Variants in KCNH5 observed in about 807,000 individuals in gnomAD.
The protein encoded by KCNH5 is voltage-gated delayed rectifier potassium channel KCNH5.
Under a neutral mutation model 96.1 loss-of-function variants are expected in KCNH5, and 46 were observed. That is an observed-to-expected ratio of 0.48 (90% CI 0.38 to 0.61). KCNH5 has a LOEUF of 0.61. KCNH5 is among the 20% of genes least tolerant of loss of function. The pLI is 0.00. For synonymous variants in KCNH5, 439 were observed against 449.8 expected (o/e 0.98, Z 0.30); for missense variants, 907 against 1,225.8 (o/e 0.74, Z 3.88).
intron 7 of KCNH5, among the ~76,000 whole-genome samples, chr14:62,859,510 TCA>T (rs1411830408): frequency 6.6e-6 from 1 of 152,192 alleles, no homozygotes; most frequent in Non-Finnish European, 1.5e-5. Flanking sequence ...ACAAATATCT[TCA>T]CAGTTTTTGA....
At chr14:62,986,449 G>A (rs181174016) in intron 5 of KCNH5, among the ~76,000 whole-genome samples, 12 of 152,056 alleles carry the variant, frequency 7.9e-5, no homozygotes, top group Non-Finnish European at 1.2e-4. Flanking sequence ...CATACTCAAC[G>A]TCACCATACT....
intron 8 of KCNH5, among the ~76,000 whole-genome samples, chr14:62,817,683 TCTA>T: frequency 6.7e-6 from 1 of 148,350 alleles, no homozygotes; most frequent in African/African-American, 2.5e-5. Context: ...CATGGAAAAT[TCTA>T]GGAATATATT....
chr14:62,796,585 C>T (rs1461277231), intron 9 of KCNH5, among the ~76,000 whole-genome samples: 2 of 152,090 alleles, frequency 1.3e-5, no homozygotes, highest in Non-Finnish European at 2.9e-5. Context: ...GATTTATGAG[C>T]AGGTAAGTCT....
intron 8 of KCNH5, among the ~76,000 whole-genome samples, chr14:62,817,259 A>C (rs1242422300): frequency 7.2e-6 from 1 of 138,346 alleles, no homozygotes; most frequent in Non-Finnish European, 1.5e-5. Context: ...TCATATATAT[A>C]TAATATATAT....
At chr14:62,837,119 C>T (rs561914804) in intron 8 of KCNH5, among the ~76,000 whole-genome samples, 83 of 152,280 alleles carry the variant, frequency 5.5e-4, no homozygotes, top group Middle Eastern at 3.4e-3. Flanking sequence ...TGTGTGTTCC[C>T]TTACCCTCTG....
In KCNH5 at chr14:62,720,877, T is replaced by G. The variant is rs7156368; in HGVS notation, c.2020-12422A>C. On this transcript the variant is annotated intron_variant, in intron 10 of 10. Transcript: ENST00000322893. ...CCACACCATTACAGATGCGCGTGCA[T>G]GCACACACACACACTGTATACCTAT... Among the ~76,000 whole-genome samples the G allele has an allele frequency of 1.8e-3, 278 of 152,154 alleles. 1 individual carries two copies. Among genetic ancestry groups the G allele is most frequent in the African/African-American group, 6.2e-3 (258 of 41,498 alleles).
chr14:62,973,844 TA>T (rs1250347503), intron 6 of KCNH5, among the ~76,000 whole-genome samples: 1 of 152,184 alleles, frequency 6.6e-6, no homozygotes, highest in Non-Finnish European at 1.5e-5. Context: ...TAACAATTTC[TA>T]ACATGTTATT....
chr14:62,890,654 G>C (rs1314399334), intron 7 of KCNH5, among the ~76,000 whole-genome samples: 2 of 144,928 alleles, frequency 1.4e-5, no homozygotes, highest in Non-Finnish European at 3.0e-5. Context: ...AGCCGAGATC[G>C]CGCCACTGCA....
chr14:62,933,485 T>C (rs1054379510), intron 7 of KCNH5, among the ~76,000 whole-genome samples: 19 of 151,444 alleles, frequency 1.3e-4, no homozygotes, highest in African/African-American at 4.6e-4. Context: ...GTGTGTGTGT[T>C]TATGTGTGTG....
chr14:63,012,009 T>G (rs1371291367), intron 2 of KCNH5, among the ~76,000 whole-genome samples: 2 of 152,152 alleles, frequency 1.3e-5, no homozygotes, highest in Non-Finnish European at 2.9e-5. Context: ...ACCTGATTGT[T>G]CTTCTCACCC....
At chr14:62,873,727 T>C (rs1000127786) in intron 7 of KCNH5, among the ~76,000 whole-genome samples, 1 of 152,142 alleles carries the variant, frequency 6.6e-6, no homozygotes, top group African/African-American at 2.4e-5. Flanking sequence ...TCAATATTTT[T>C]CCCCGCAATG....
At chr14:63,010,115 G>A (rs1891198287) in intron 2 of KCNH5, among the ~76,000 whole-genome samples, 1 of 152,098 alleles carries the variant, frequency 6.6e-6, no homozygotes, top group Admixed American at 6.6e-5. Context: ...TGGATTCACA[G>A]AAGCAATCTA....
intron 8 of KCNH5, among the ~76,000 whole-genome samples, chr14:62,834,710 T>C (rs751941285): frequency 6.6e-6 from 1 of 151,996 alleles, no homozygotes; most frequent in South Asian, 2.1e-4. Flanking sequence ...ACTGAGTATA[T>C]AATGGTTTCT....
In KCNH5 at chr14:62,748,647, G is replaced by A. The variant is rs112275761; in HGVS notation, c.2019+31081C>T. On this transcript the variant is annotated intron_variant, in intron 10 of 10. Transcript: ENST00000322893. Reference sequence around the variant, plus strand: ...CTGTAACTTCTTCAGGCTGAATAGGGGTGATGATATTCCTGCCTAACTATG... The same window carrying A: ...CTGTAACTTCTTCAGGCTGAATAGGAGTGATGATATTCCTGCCTAACTATG... Among the ~76,000 whole-genome samples the A allele has an allele frequency of 4.1e-3, 623 of 152,214 alleles. 4 individuals are homozygous for A. The highest frequency in any genetic ancestry group is 0.014 in the African/African-American group (596 of 41,530).
intron 7 of KCNH5, among the ~76,000 whole-genome samples, chr14:62,938,076 A>C (rs4146434): frequency 0.15 from 23,422 of 152,200 alleles, 2,133 homozygotes; most frequent in East Asian, 0.37. Context: ...AAATAGGGGC[A>C]TGAATTTAAA....
In KCNH5 at chr14:62,756,654, C is replaced by T. The variant is rs1387542056; in HGVS notation, c.2019+23074G>A. The stretch of plus-strand genomic sequence containing the variant: ...ATTCAGTAACACATCCATACATCTA[C>T]AGTGAGCTCATTTGTTACAAAGATG... On this transcript the variant is annotated intron_variant, in intron 10 of 10. Transcript: ENST00000322893. Among the ~76,000 whole-genome samples the T allele has an allele frequency of 5.9e-5, 9 of 152,300 alleles. No individual in the cohort carries two copies. The South Asian group carries it at 1.7e-3, about 28-fold the overall frequency.
intron 8 of KCNH5, among the ~76,000 whole-genome samples, chr14:62,849,074 G>C (rs948909010): frequency 2.0e-5 from 3 of 152,158 alleles, no homozygotes; most frequent in African/African-American, 7.2e-5. Flanking sequence ...TCAGCTCCAT[G>C]AAAAGGCAAG....
chr14:62,712,094 T>C (rs942402747), intron 10 of KCNH5: 8 of 152,822 alleles, frequency 5.2e-5, no homozygotes, highest in African/African-American at 1.7e-4. Flanking sequence ...GAGGGGGTCA[T>C]GAGGCGATTT....
chr14:62,937,127 C>A (rs1164069977), intron 7 of KCNH5, among the ~76,000 whole-genome samples: 1 of 152,056 alleles, frequency 6.6e-6, no homozygotes, highest in Non-Finnish European at 1.5e-5. Flanking sequence ...ATGTGACTGC[C>A]CACTGGACAC....
Sources: allele counts gnomAD v4.1 joint callset (sites outside exome capture counted in the v4.1 genomes callset), GRCh38; gene constraint gnomAD v4.1.1; transcripts MANE v1.5; gene names NCBI Gene and HGNC (gene_info 2026-07-23, HGNC 2026-07-21).